ZMAT4: variants seen among roughly 807,000 people sequenced by gnomAD.
ZMAT4 encodes the protein zinc finger matrin-type protein 4.
In ZMAT4, 17 loss-of-function variants were observed where a neutral mutation model predicts 28.7. The observed-to-expected ratio is 0.59, with a 90% confidence interval of 0.41 to 0.89. The LOEUF (loss-of-function observed/expected upper bound fraction) is 0.89. Ranked by LOEUF, ZMAT4 falls within the 40% of genes least tolerant of loss-of-function variation. The probability of loss-of-function intolerance (pLI) is 0.00; values close to 1 mark genes in which losing one functional copy is unlikely to be tolerated. For synonymous variants in ZMAT4, 117 were observed against 109.2 expected (o/e 1.07, Z -0.44); for missense variants, 240 against 283.8 (o/e 0.85, Z 1.11).
chr8:40,636,749 A>G (rs1411932033), intron 5 of ZMAT4, among the ~76,000 whole-genome samples: 1 of 152,202 alleles, frequency 6.6e-6, no homozygotes, highest in Non-Finnish European at 1.5e-5. Flanking sequence ...ATCAAGTAGC[A>G]GCCTAATGGG....
chr8:40,651,360 C>A (rs961750903), intron 5 of ZMAT4, among the ~76,000 whole-genome samples: 1 of 152,126 alleles, frequency 6.6e-6, no homozygotes, highest in Non-Finnish European at 1.5e-5. Flanking sequence ...CCTAGGAATG[C>A]AACTTACAAG....
intron 6 of ZMAT4, 94 bp downstream of exon 6, chr8:40,581,071 A>G (rs1804448322): frequency 2.0e-6 from 2 of 1,009,102 alleles, no homozygotes; most frequent in Non-Finnish European, 3.0e-6. Context: ...TTTCCACTCT[A>G]CTTATTTAGA....
chr8:40,720,968 T>TTTTG (rs147563284), intron 3 of ZMAT4, among the ~76,000 whole-genome samples: 6 of 151,404 alleles, frequency 4.0e-5, no homozygotes, highest in African/African-American at 1.2e-4. Context: ...TTTATTTGTG[T>TTTTG]TTTGTTTGTT....
intron 6 of ZMAT4, among the ~76,000 whole-genome samples, chr8:40,579,868 T>A (rs1487922269): frequency 6.6e-6 from 1 of 152,028 alleles, no homozygotes; most frequent in Non-Finnish European, 1.5e-5. Flanking sequence ...TGCACTAGTG[T>A]CCCCTAAAGC....
chr8:40,795,543 T>C (rs1814561103), intron 2 of ZMAT4, among the ~76,000 whole-genome samples: 1 of 152,198 alleles, frequency 6.6e-6, no homozygotes. Flanking sequence ...TGACACCTGC[T>C]TCCTCCCTGG....
At chr8:40,555,815 G>T (rs1353599595) in intron 6 of ZMAT4, among the ~76,000 whole-genome samples, 1 of 151,788 alleles carries the variant, frequency 6.6e-6, no homozygotes, top group African/African-American at 2.4e-5. Context: ...TCTCAGAGTG[G>T]GTCCCTCCTC....
At chr8:40,670,852 A>T (rs914616071) in intron 5 of ZMAT4, among the ~76,000 whole-genome samples, 4 of 152,130 alleles carry the variant, frequency 2.6e-5, no homozygotes, top group Non-Finnish European at 5.9e-5. Context: ...GCAGATCATG[A>T]GGTCAAGAGA....
intron 2 of ZMAT4, among the ~76,000 whole-genome samples, chr8:40,816,244 C>T (rs913745326): frequency 6.6e-6 from 1 of 152,138 alleles, no homozygotes; most frequent in South Asian, 2.1e-4. Context: ...TGCAGTCACC[C>T]ACAATCCCCA....
intron 5 of ZMAT4, among the ~76,000 whole-genome samples, chr8:40,613,393 T>G (rs951618247): frequency 6.6e-6 from 1 of 151,682 alleles, no homozygotes; most frequent in Non-Finnish European, 1.5e-5. Context: ...CATGTTGGTC[T>G]GGCTGTTCTC....
At chr8:40,760,149 C>T in intron 3 of ZMAT4, among the ~76,000 whole-genome samples, 1 of 152,174 alleles carries the variant, frequency 6.6e-6, no homozygotes, top group East Asian at 1.9e-4. Context: ...CGACTGACTA[C>T]ATATGCAGAG....
chr8:40,862,720 G>A (rs1335252676), intron 1 of ZMAT4, among the ~76,000 whole-genome samples: 2 of 151,078 alleles, frequency 1.3e-5, no homozygotes, highest in Admixed American at 1.3e-4. Flanking sequence ...TTATTGCAAG[G>A]ACAAAAAACC....
chr8:40,739,583 C>T (rs2150533436), intron 3 of ZMAT4, among the ~76,000 whole-genome samples: 1 of 152,320 alleles, frequency 6.6e-6, no homozygotes, highest in Non-Finnish European at 1.5e-5. Context: ...ACATAAGCTA[C>T]TTACTCACTA....
chr8:40,590,805 C>T (rs1804868704), intron 5 of ZMAT4, among the ~76,000 whole-genome samples: 1 of 152,042 alleles, frequency 6.6e-6, no homozygotes. Flanking sequence ...TTTCTACACA[C>T]ATTTCTGCTA....
At chr8:40,893,491 C>CA (rs1281368229) in intron 1 of ZMAT4, among the ~76,000 whole-genome samples, 1 of 152,188 alleles carries the variant, frequency 6.6e-6, no homozygotes, top group Non-Finnish European at 1.5e-5. Flanking sequence ...AGTAAGATCA[C>CA]AAAGCCCTGG....
chr8:40,771,376 T>C (rs567711586), intron 2 of ZMAT4, among the ~76,000 whole-genome samples: 2 of 151,286 alleles, frequency 1.3e-5, no homozygotes, highest in African/African-American at 4.8e-5. Flanking sequence ...ATATGGGGAG[T>C]ATGACTGGTT....
At position 40,612,538 on chromosome 8, in the gene ZMAT4, A is replaced by AT. The variant is rs1362044036; in HGVS notation, c.578-31278dup. Reference sequence around the variant, plus strand: ...TCTTCTTGCTCTTATCTTGTCACTGATTTTTTCCACTCATAGACTTCTGTC... The same window carrying AT: ...TCTTCTTGCTCTTATCTTGTCACTGATTTTTTTCCACTCATAGACTTCTGTC... On this transcript the variant is annotated intron_variant, in intron 5 of 6. Transcript: ENST00000297737. Among the ~76,000 whole-genome samples, 2 of 136,186 alleles carry AT rather than the reference A, an allele frequency of 1.5e-5. 1 individual carries two copies. The highest frequency in any genetic ancestry group is 3.4e-5 in the Non-Finnish European group (2 of 58,712). 89.3% of individuals were successfully genotyped at this position (136,186 alleles called of 152,430 possible). A position where few individuals can be genotyped will look rare whatever the true frequency, so the allele number is the denominator to read the frequency against.
chr8:40,545,731 C>T (rs1407397176), intron 6 of ZMAT4, among the ~76,000 whole-genome samples: 1 of 152,088 alleles, frequency 6.6e-6, no homozygotes, highest in Non-Finnish European at 1.5e-5. Flanking sequence ...TTGCATATGC[C>T]TTGATCTTGA....
intron 4 of ZMAT4, chr8:40,690,768 T>C (rs1224716823): frequency 8.5e-6 from 3 of 351,826 alleles, no homozygotes; most frequent in Non-Finnish European, 1.2e-5. Flanking sequence ...GTGTCTGGCA[T>C]GGAAATTTAT....
chr8:40,871,511 A>T (rs982946735), intron 1 of ZMAT4, among the ~76,000 whole-genome samples: 1 of 152,256 alleles, frequency 6.6e-6, no homozygotes, highest in African/African-American at 2.4e-5. Flanking sequence ...GTTGCAATAT[A>T]CAAGGAATTC....
Sources: allele counts gnomAD v4.1 joint callset (sites outside exome capture counted in the v4.1 genomes callset), GRCh38; gene constraint gnomAD v4.1.1; transcripts MANE v1.5; gene names NCBI Gene and HGNC (gene_info 2026-07-23, HGNC 2026-07-21).